KLHDC10: variants seen among roughly 807,000 people sequenced by gnomAD.
KLHDC10 encodes kelch domain containing 10.
In KLHDC10, 24 loss-of-function variants were observed where a neutral mutation model predicts 56.1. The observed-to-expected ratio is 0.43, with a 90% CI of 0.31 to 0.60. The LOEUF is 0.60. KLHDC10 is among the 20% of genes least tolerant of loss of function. The probability of loss-of-function intolerance (pLI) is 0.11; values close to 1 mark genes in which losing one functional copy is unlikely to be tolerated. For missense variants in KLHDC10, 349 were observed against 567.0 expected (o/e 0.62, Z 3.91); for synonymous variants, 188 against 207.1 (o/e 0.91, Z 0.79).
At chr7:130,072,838 C>A (rs896664508) in intron 1 of KLHDC10, among the ~76,000 whole-genome samples, 3 of 151,990 alleles carry the variant, frequency 2.0e-5, no homozygotes, top group African/African-American at 7.3e-5. Context: ...CTCACTGCAA[C>A]TCCACTTCCT....
chr7:130,108,844 C>T (rs75076382), intron 2 of KLHDC10, among the ~76,000 whole-genome samples: 1 of 152,154 alleles, frequency 6.6e-6, no homozygotes, highest in African/African-American at 2.4e-5. Flanking sequence ...TCCCTTCCCC[C>T]CTTTATACAC....
At position 130,085,833 on chromosome 7, in the gene KLHDC10, C is replaced by CA. The variant is rs55805509; in HGVS notation, c.167-11065dup. Among the ~76,000 whole-genome samples the CA allele has an allele frequency of 9.2e-3, 789 of 86,060 alleles. 8 individuals carry two copies. The highest frequency in any genetic ancestry group is 0.03 in the Admixed American group (227 of 7,538). 56.5% of individuals were successfully genotyped at this position (86,060 alleles called of 152,430 possible). A position where few individuals can be genotyped will look rare whatever the true frequency, so the allele number is the denominator to read the frequency against. ...TGGGTGACAGAGTGAGACTCTTTCT[C>CA]AAAAAAAAAAAAAAAAAAAAAAATT... On this transcript the variant is annotated intron_variant, in intron 1 of 9. Coordinates refer to ENST00000335420, the MANE Select transcript of KLHDC10 (RefSeq NM_014997.4).
chr7:130,099,309 A>T (rs1563100693), intron 2 of KLHDC10, among the ~76,000 whole-genome samples: 1 of 152,032 alleles, frequency 6.6e-6, no homozygotes, highest in Non-Finnish European at 1.5e-5. Context: ...TCATTCTTTC[A>T]TTCTTTCAGT....
At chr7:130,073,889 G>C (rs1341037662) in intron 1 of KLHDC10, among the ~76,000 whole-genome samples, 1 of 151,976 alleles carries the variant, frequency 6.6e-6, no homozygotes, top group African/African-American at 2.4e-5. Flanking sequence ...TCCAATCCAC[G>C]GTGCCACCAT....
chr7:130,096,843 C>T, intron 1 of KLHDC10, 78 bp from the exon 2 acceptor site: 1 of 1,000,624 alleles, frequency 1.0e-6, no homozygotes, highest in Non-Finnish European at 1.5e-6. Flanking sequence ...GTTTTTCTGT[C>T]TTTATAACTA....
chr7:130,096,997 GT>G lies in KLHDC10; in HGVS notation c.248del (p.Leu83Ter). On this transcript the variant is annotated frameshift_variant, in exon 2 of 10. Coordinates refer to ENST00000335420, the MANE Select transcript of KLHDC10 (RefSeq NM_014997.4). LOFTEE classifies it high-confidence loss of function. ...SCPIIRIPNR[F>X]LRGHRPPPAR... ...GTCCCATCATAAGGATCCCTAACAG[GT>G]TTTTGAGAGGTGGGTGATAATTAGC... 1 of 1,602,478 alleles carries G rather than the reference GT, an allele frequency of 6.2e-7. No homozygotes were observed. The highest frequency in any genetic ancestry group is 1.1e-5 in the South Asian group (1 of 89,598).
At chr7:130,078,436 GCTGAT>G (rs1290250185) in intron 1 of KLHDC10, among the ~76,000 whole-genome samples, 1 of 152,088 alleles carries the variant, frequency 6.6e-6, no homozygotes, top group Non-Finnish European at 1.5e-5. Context: ...TGTTGCCCAG[GCTGAT>G]CTCAAACTCC....
chr7:130,106,341 G>T (rs927567976), intron 2 of KLHDC10, among the ~76,000 whole-genome samples: 1 of 152,034 alleles, frequency 6.6e-6, no homozygotes, highest in Non-Finnish European at 1.5e-5. Context: ...ATAAAAGTTT[G>T]TTTTTCAGCA....
At chr7:130,091,203 G>T (rs1303823516) in intron 1 of KLHDC10, among the ~76,000 whole-genome samples, 1 of 152,140 alleles carries the variant, frequency 6.6e-6, no homozygotes, top group East Asian at 1.9e-4. Flanking sequence ...AAATGGCCAA[G>T]AATGTAATTG....
At chr7:130,112,524 T>A (rs1796115505) in intron 2 of KLHDC10, among the ~76,000 whole-genome samples, 1 of 152,182 alleles carries the variant, frequency 6.6e-6, no homozygotes, top group Non-Finnish European at 1.5e-5. Flanking sequence ...GAAAATGGGA[T>A]TTGCAGATGG....
intron 2 of KLHDC10, 82 bp downstream of exon 2, chr7:130,097,089 G>C (rs1030952475): frequency 1.0e-6 from 1 of 970,528 alleles, no homozygotes; most frequent in Non-Finnish European, 1.5e-6. Context: ...CAAAACTCTG[G>C]TTTTTAAAAA....
intron 2 of KLHDC10, among the ~76,000 whole-genome samples, chr7:130,107,695 T>A (rs1302751577): frequency 3.3e-5 from 5 of 151,124 alleles, no homozygotes; most frequent in African/African-American, 7.3e-5. Context: ...AATACAAAAA[T>A]TAGCCGGGCG....
At chr7:130,089,418 C>A (rs1463241817) in intron 1 of KLHDC10, among the ~76,000 whole-genome samples, 5 of 152,156 alleles carry the variant, frequency 3.3e-5, no homozygotes, top group Admixed American at 3.3e-4. Context: ...CATAGCTAGA[C>A]CCTGTGTCTA....
rs775396121 is a variant in KLHDC10 at position 130,122,101 on chromosome 7, C to A, written c.678C>A (p.Thr226=). ...CCCTTTATGTCTTTGGAGGTACAAC[C>A]GGCTATATTTACAGCACAGACCTGC... ...NGSLYVFGGT[T]GYIYSTDLHK... Residue 226 remains threonine, a synonymous_variant, in exon 5 of 10, where the codon ACC becomes ACA. Transcript: ENST00000335420. 5 of 1,613,914 alleles carry A rather than the reference C, an allele frequency of 3.1e-6. No homozygotes were observed. The East Asian group carries it at 1.1e-4, about 36-fold the overall frequency.
chr7:130,071,107 A>G lies in KLHDC10; in HGVS notation c.166+298A>G, dbSNP rs143504707. ...AAATGTTTCGGTTACTCGATTCCCA[A>G]TCTCTTCCCCTTCCGCAGTTTGATC... is the stretch of plus-strand genomic sequence containing the variant. On this transcript the variant is annotated intron_variant, in intron 1 of 9. Transcript: ENST00000335420. 4.9e-3 allele frequency among the ~76,000 whole-genome samples: 745 copies of G among 152,268 alleles called. 7 individuals carry two copies. Among genetic ancestry groups the G allele is most frequent in the African/African-American group, 0.017 (697 of 41,544 alleles).
At chr7:130,125,796 A>C in intron 6 of KLHDC10, 69 bp from the exon 7 acceptor site, 1 of 1,241,786 alleles carries the variant, frequency 8.1e-7, no homozygotes, top group South Asian at 1.4e-5. Flanking sequence ...TTTTTTAAAA[A>C]ATCCTTTTTC....
chr7:130,108,572 A>AAAAAAAAT lies in KLHDC10; in HGVS notation c.254-7872_254-7871insAAAAAATA, dbSNP rs1405437913. 1.1e-4 allele frequency among the ~76,000 whole-genome samples: 16 copies of AAAAAAAAT among 144,072 alleles called. No homozygotes were observed. In the East Asian group the frequency reaches 1.5e-3, roughly 13 times the overall value. 94.5% of individuals were successfully genotyped at this position (144,072 alleles called of 152,430 possible). A position where few individuals can be genotyped will look rare whatever the true frequency, so the allele number is the denominator to read the frequency against. On this transcript the variant is annotated intron_variant, in intron 2 of 9. Coordinates refer to ENST00000335420, the MANE Select transcript of KLHDC10 (RefSeq NM_014997.4). ...CCAAATATCCAAAAAAAAAAAAAAA[A>AAAAAAAAT]AGCTGGGCGTGGTGGTGCGCGCCTG...
intron 2 of KLHDC10, among the ~76,000 whole-genome samples, chr7:130,102,414 G>T (rs1584628932): frequency 6.6e-6 from 1 of 152,198 alleles, no homozygotes; most frequent in East Asian, 1.9e-4. Context: ...AAACAAAACA[G>T]CTGCCTATGG....
At position 130,132,024 on chromosome 7, in the gene KLHDC10, T is replaced by C. The variant is rs185193944; in HGVS notation, c.*1278T>C. 2 of 152,266 alleles carry C rather than the reference T, an allele frequency of 1.3e-5. No individual in the cohort carries two copies. The highest frequency in any genetic ancestry group is 4.8e-5 in the African/African-American group (2 of 41,568). 9.4% of individuals were successfully genotyped at this position (152,266 alleles called of 1,614,324 possible). On this transcript the variant is annotated 3_prime_UTR_variant, in exon 10 of 10. Transcript: ENST00000335420. ...AAGGAATGAAACTGAGTAGCATTCA[T>C]TTTGTGTGTGTGAAATTTTAGTTCT...
Sources: gnomAD v4.1 joint callset for allele counts (sites outside exome capture counted in the v4.1 genomes callset) on GRCh38, gnomAD v4.1.1 for gene constraint, MANE v1.5 for transcripts, NCBI Gene and HGNC (gene_info 2026-07-23, HGNC 2026-07-21) for gene names.